The following KIAA1549L variants were observed in gnomAD, a reference collection of about 807,000 sequenced individuals.
KIAA1549L encodes KIAA1549 like.
KIAA1549L carries 88 observed loss-of-function variants against 160.7 expected under a neutral mutation model. The observed-to-expected ratio is 0.55, with a 90% CI of 0.46 to 0.65. The LOEUF is 0.65. Ranked by LOEUF, KIAA1549L falls within the 30% of genes least tolerant of loss-of-function variation. The probability of loss-of-function intolerance (pLI) is 0.00; values close to 1 mark genes in which losing one functional copy is unlikely to be tolerated. For missense variants in KIAA1549L, 2,258 were observed against 2,437.5 expected, an observed-to-expected ratio of 0.93 and a Z score of 1.55; for synonymous variants, 950 against 976.7, an observed-to-expected ratio of 0.97 and a Z score of 0.51.
intron 1 of KIAA1549L, among the ~76,000 whole-genome samples, chr11:33,435,759 G>GAGAGATAT (rs1429879805): frequency 2.7e-4 from 4 of 14,986 alleles, no homozygotes; most frequent in East Asian, 3.9e-3. Context: ...GAACCAATAA[G>GAGAGATAT]ATATATATAT....
At chr11:33,616,643 G>A (rs1564925826) in intron 15 of KIAA1549L, among the ~76,000 whole-genome samples, 1 of 152,192 alleles carries the variant, frequency 6.6e-6, no homozygotes, top group African/African-American at 2.4e-5. Flanking sequence ...AATGGCAAGG[G>A]TAATGCTTTG....
intron 1 of KIAA1549L, among the ~76,000 whole-genome samples, chr11:33,435,782 A>ATGTGTGTGTGTG (rs1161737454): frequency 0.044 from 948 of 21,386 alleles, 78 homozygotes; most frequent in South Asian, 0.15. Context: ...ATATATATAT[A>ATGTGTGTGTGTG]TATATATATA....
chr11:33,512,534 G>A (rs554136027), intron 1 of KIAA1549L, among the ~76,000 whole-genome samples: 4 of 152,002 alleles, frequency 2.6e-5, no homozygotes, highest in Admixed American at 6.6e-5. Context: ...ATGATCCTCC[G>A]ACTTCAGCCT....
At chr11:33,476,408 A>C (rs1334939990) in intron 1 of KIAA1549L, among the ~76,000 whole-genome samples, 2 of 152,242 alleles carry the variant, frequency 1.3e-5, no homozygotes, top group Non-Finnish European at 2.9e-5. Context: ...GAGGTTATCC[A>C]AGAAGAGGAG....
intron 1 of KIAA1549L, among the ~76,000 whole-genome samples, chr11:33,450,437 G>A (rs1442475737): frequency 6.6e-6 from 1 of 151,942 alleles, no homozygotes; most frequent in African/African-American, 2.4e-5. Flanking sequence ...GTGCACACCT[G>A]TAGTCCCAGC....
At chr11:33,581,949 A>G (rs1855658754) in intron 10 of KIAA1549L, among the ~76,000 whole-genome samples, 1 of 152,216 alleles carries the variant, frequency 6.6e-6, no homozygotes, top group Admixed American at 6.5e-5. Flanking sequence ...AATAAAAAAA[A>G]GCATGTATTT....
chr11:33,614,555 TATATATATATATATATATATATATATA>T lies in KIAA1549L; in HGVS notation c.5280-3977_5280-3951del, dbSNP rs1564924772. On this transcript the variant is annotated intron_variant, in intron 15 of 20. Transcript: ENST00000658780. Reference sequence around the variant, plus strand: ...AGATATATATATATATATATATATATATATATATATATATATATATATATATATATTTTTTTTTTTTTTTTTTTTTTT... The same window carrying T: ...AGATATATATATATATATATATATATTATTTTTTTTTTTTTTTTTTTTTTT... Among the ~76,000 whole-genome samples the T allele has an allele frequency of 1.4e-3, 19 of 14,016 alleles. 2 individuals are homozygous for T. Among genetic ancestry groups the T allele is most frequent in the African/African-American group, 2.1e-3 (4 of 1,892 alleles). The allele number at this position is 14,016 out of a possible 152,430, so 9.2% of individuals were successfully genotyped here.
rs575194625 is a variant in KIAA1549L, at chr11:33,437,262, T to TG, written c.238+60377dup. Among the ~76,000 whole-genome samples the TG allele has an allele frequency of 2.0e-3, 302 of 152,314 alleles. 2 individuals carry two copies. The highest frequency in any genetic ancestry group is 6.6e-3 in the African/African-American group (275 of 41,570). On this transcript the variant is annotated intron_variant, in intron 1 of 20. Coordinates refer to ENST00000658780, the MANE Select transcript of KIAA1549L (RefSeq NM_012194.3). ...TTAGCTTGACAAAGTGGCTTTACTC[T>TG]GGGGTTGTAGCCTTTCGTGGTTGTG...
At chr11:33,537,019 A>G (rs370061854) in intron 1 of KIAA1549L, among the ~76,000 whole-genome samples, 174 of 152,314 alleles carry the variant, frequency 1.1e-3, no homozygotes, top group African/African-American at 4.1e-3. Context: ...TACTGGAGCA[A>G]TGGTCCGGCT....
chr11:33,597,338 G>C (rs960809723), intron 12 of KIAA1549L, among the ~76,000 whole-genome samples: 1 of 152,126 alleles, frequency 6.6e-6, no homozygotes, highest in African/African-American at 2.4e-5. Context: ...GTATTAAAGT[G>C]TACAGACTGA....
chr11:33,457,051 C>T (rs540575167), intron 1 of KIAA1549L, among the ~76,000 whole-genome samples: 27 of 152,296 alleles, frequency 1.8e-4, no homozygotes, highest in African/African-American at 6.0e-4. Context: ...TTTGATACCA[C>T]GACCTTCAGG....
chr11:33,598,736 T>C, intron 12 of KIAA1549L, 84 bp from the exon 13 acceptor site: 4 of 1,503,192 alleles, frequency 2.7e-6, no homozygotes, highest in Non-Finnish European at 3.7e-6. Flanking sequence ...CTACAGACAT[T>C]AAACTGTGCA....
Position 33,542,523 on chromosome 11 carries a change from C to T in KIAA1549L, c.960C>T (p.Ser320=), listed in dbSNP as rs1374005330. The T allele has an allele frequency of 1.2e-6, 2 of 1,613,986 alleles. No homozygotes were observed. Among genetic ancestry groups the T allele is most frequent in the South Asian group, 1.1e-5 (1 of 91,076 alleles). The change falls in exon 2 of 21, where the codon TCC becomes TCT. Residue 320 remains serine (S), a synonymous_variant. Coordinates refer to ENST00000658780, the MANE Select transcript of KIAA1549L (RefSeq NM_012194.3). ...IGIPHLGVSG[S]STKWHSELSP... is the part of the protein sequence containing the mutation. ...TCCCTCATCTAGGTGTTTCTGGATCCTCAACAAAATGGCATTCCGAGCTGT... is the reference window on the plus strand; with the variant it reads ...TCCCTCATCTAGGTGTTTCTGGATCTTCAACAAAATGGCATTCCGAGCTGT...
chr11:33,574,902 T>C, intron 10 of KIAA1549L, 29 bp downstream of exon 10: 2 of 1,583,438 alleles, frequency 1.3e-6, no homozygotes, highest in Non-Finnish European at 1.7e-6. Context: ...TATTCAGTCT[T>C]TTTAATGCCA....
chr11:33,558,177 A>G (rs1221805620), intron 6 of KIAA1549L, among the ~76,000 whole-genome samples: 1 of 152,194 alleles, frequency 6.6e-6, no homozygotes, highest in Non-Finnish European at 1.5e-5. Flanking sequence ...GTGAACACCC[A>G]AAGGTCTGGG....
chr11:33,571,618 G>C lies in KIAA1549L; in HGVS notation c.4231-3084G>C, dbSNP rs148902412. ...GTAGAAGCAAGAAAGAGGGTGGGGG[G>C]AGGCTCCACGCACATTAAACAACCA... is the stretch of plus-strand genomic sequence containing the variant. On this transcript the variant is annotated intron_variant, in intron 9 of 20. Transcript: ENST00000658780. Among the ~76,000 whole-genome samples the C allele has an allele frequency of 6.5e-3, 992 of 152,086 alleles. 5 individuals carry two copies. The highest frequency in any genetic ancestry group is 0.012 in the Admixed American group (188 of 15,278).
In KIAA1549L at chr11:33,474,145, C is replaced by A. The variant is rs551432375; in HGVS notation, c.239-67657C>A. Among the ~76,000 whole-genome samples the A allele has an allele frequency of 1.2e-3, 186 of 152,336 alleles. 1 individual carries two copies. The highest frequency in any genetic ancestry group is 4.3e-3 in the African/African-American group (178 of 41,588). On this transcript the variant is annotated intron_variant, in intron 1 of 20. Coordinates refer to ENST00000658780, the MANE Select transcript of KIAA1549L (RefSeq NM_012194.3). ...ACCATATGGAGGGCACCAAGCCATTCATGAGTGATCCTCTGCCATGACCAA... is the reference window on the plus strand; with the variant it reads ...ACCATATGGAGGGCACCAAGCCATTAATGAGTGATCCTCTGCCATGACCAA...
Position 33,668,300 on chromosome 11 carries a change from T to C in KIAA1549L, c.*146T>C. On this transcript the variant is annotated 3_prime_UTR_variant, in exon 21 of 21. Transcript: ENST00000658780. ...CTGAAAAGGTGAACTATGGGGCTTC[T>C]GGGAACAGGAAACTCTTGAACGACT... 1 of 754,454 alleles carries C rather than the reference T, an allele frequency of 1.3e-6. No homozygotes were observed. The highest frequency in any genetic ancestry group is 2.1e-6 in the Non-Finnish European group (1 of 474,292). 46.7% of individuals were successfully genotyped at this position (754,454 alleles called of 1,614,324 possible). A position where few individuals can be genotyped will look rare whatever the true frequency, so the allele number is the denominator to read the frequency against.
At chr11:33,459,983 A>G (rs1851909689) in intron 1 of KIAA1549L, among the ~76,000 whole-genome samples, 1 of 150,414 alleles carries the variant, frequency 6.6e-6, no homozygotes, top group Admixed American at 6.6e-5. Flanking sequence ...AAAAAGAAAT[A>G]GCCTTCATCC....
Sources: allele counts gnomAD v4.1 joint callset (sites outside exome capture counted in the v4.1 genomes callset), GRCh38; gene constraint gnomAD v4.1.1; transcripts MANE v1.5; gene names NCBI Gene and HGNC (gene_info 2026-07-23, HGNC 2026-07-21).